DIABLO: variants seen among roughly 807,000 people sequenced by gnomAD.
The protein encoded by DIABLO is diablo homolog, mitochondrial.
A neutral mutation model predicts 31.7 loss-of-function variants in DIABLO; 32 were observed. The ratio of observed to expected loss-of-function variants is 1.01; its 90% CI spans 0.76 to 1.35. The LOEUF (loss-of-function observed/expected upper bound fraction) is 1.35. Among genes scored for constraint, DIABLO ranks in the 40% most tolerant of loss-of-function variants. The probability of loss-of-function intolerance (pLI) is 0.00; values close to 1 mark genes in which losing one functional copy is unlikely to be tolerated. For synonymous variants in DIABLO, 132 were observed against 103.2 expected (o/e 1.28, Z -1.69); for missense variants, 316 against 286.4 (o/e 1.10, Z -0.75).
At position 122,214,367 on chromosome 12, in the gene DIABLO, T is replaced by G. The variant is rs377304403; in HGVS notation, c.523+2121A>C. Among the ~76,000 whole-genome samples the G allele has an allele frequency of 5.3e-5, 8 of 152,228 alleles. No homozygotes were observed. The East Asian group carries it at 1.4e-3, about 26-fold the overall frequency. On this transcript the variant is annotated intron_variant, in intron 5 of 5. Coordinates refer to ENST00000464942, the MANE Select transcript of DIABLO (RefSeq NM_001371333.1). The stretch of plus-strand genomic sequence containing the variant: ...AGCCCTTTGTATCATTTTTAAGATT[T>G]GATGATTGAGAACCCTAGCCTGCTA...
chr12:122,223,811 T>G lies in DIABLO; in HGVS notation c.183+701A>C, dbSNP rs1190868017. Among the ~76,000 whole-genome samples, 3 of 152,186 alleles carry G rather than the reference T, an allele frequency of 2.0e-5. No homozygotes were observed. The South Asian group carries it at 6.2e-4, about 31-fold the overall frequency. ...ATTCACTTACCTCATTTGTTTTGTT[T>G]TGTTTTTGAGAAAAGGTCTTGCCCT... On this transcript the variant is annotated intron_variant, in intron 2 of 5. Transcript: ENST00000464942.
chr12:122,224,375 G>A, intron 2 of DIABLO, 137 bp downstream of exon 2: 1 of 1,308,940 alleles, frequency 7.6e-7, no homozygotes, highest in South Asian at 1.2e-5. Flanking sequence ...GCTCAACTGT[G>A]AAAAGATGCC....
chr12:122,216,920 A>C, intron 3 of DIABLO, 51 bp from the exon 4 acceptor site: 1 of 1,473,754 alleles, frequency 6.8e-7, no homozygotes, highest in Non-Finnish European at 9.5e-7. Context: ...GACATATCAG[A>C]AGGAATAGAG....
chr12:122,216,701 T>G, intron 4 of DIABLO, 58 bp downstream of exon 4: 1 of 1,562,108 alleles, frequency 6.4e-7, no homozygotes, highest in Non-Finnish European at 8.8e-7. Context: ...ATTCAATAAT[T>G]TAGATACCAC....
chr12:122,225,923 C>T, intron 1 of DIABLO, 42 bp downstream of exon 1: 3 of 1,562,722 alleles, frequency 1.9e-6, no homozygotes, highest in South Asian at 1.2e-5. Flanking sequence ...CGCGTCGGTC[C>T]CTCCCTCTGG....
Position 122,208,349 on chromosome 12 carries a change from G to A in DIABLO, c.*32C>T, listed in dbSNP as rs374859154. On this transcript the variant is annotated 3_prime_UTR_variant, in exon 6 of 6. Coordinates refer to ENST00000464942, the MANE Select transcript of DIABLO (RefSeq NM_001371333.1). ...GGCATCTGCCCCTGCTTTCCCCACT[G>A]AGTGGGGAGACAGGGCAGTGTGCTC... 2 of 1,604,636 alleles carry A rather than the reference G, an allele frequency of 1.2e-6. No homozygotes were observed. The highest frequency in any genetic ancestry group is 2.7e-5 in the African/African-American group (2 of 74,806).
chr12:122,216,259 A>AGACAT (rs1954209340), intron 5 of DIABLO, among the ~76,000 whole-genome samples: 1 of 152,222 alleles, frequency 6.6e-6, no homozygotes, highest in Admixed American at 6.5e-5. Context: ...TTCATTTTGA[A>AGACAT]GACATAACCT....
chr12:122,214,014 G>A (rs79256284), intron 5 of DIABLO, among the ~76,000 whole-genome samples: 12,388 of 152,120 alleles, frequency 0.081, 1,632 homozygotes, highest in African/African-American at 0.28. Context: ...GAAGCAGGGA[G>A]GTGGAGGTTG....
At chr12:122,226,626 G>A (rs1954486314), upstream of DIABLO, 1 of 675,278 alleles carries the variant, frequency 1.5e-6, no homozygotes, top group Non-Finnish European at 2.7e-6. Context: ...TCCCAGAGGG[G>A]CGGACGGGAA....
At chr12:122,224,715 G>A (rs757557084) in intron 1 of DIABLO, 71 bp from the exon 2 acceptor site, 1 of 1,613,370 alleles carries the variant, frequency 6.2e-7, no homozygotes, top group South Asian at 1.1e-5. Flanking sequence ...TTACTTGCAG[G>A]GGCTGTAAAC....
rs1156571584 is a variant in DIABLO at position 122,211,077 on chromosome 12, T to TAAAAAAAAAAAAAAAA, written c.524-2516_524-2501dup. ...TGATTTTCCTTTGTTTAGTTAAAAG[T>TAAAAAAAAAAAAAAAA]AAAAAAAAAAAAAAAAAAAAAAAAA... On this transcript the variant is annotated intron_variant, in intron 5 of 5. Coordinates refer to ENST00000464942, the MANE Select transcript of DIABLO (RefSeq NM_001371333.1). Among the ~76,000 whole-genome samples the TAAAAAAAAAAAAAAAA allele has an allele frequency of 7.0e-4, 10 of 14,342 alleles. 4 individuals are homozygous for TAAAAAAAAAAAAAAAA. Among genetic ancestry groups the TAAAAAAAAAAAAAAAA allele is most frequent in the Non-Finnish European group, 9.4e-4 (7 of 7,452 alleles). 9.4% of individuals were successfully genotyped at this position (14,342 alleles called of 152,430 possible). A position where few individuals can be genotyped will look rare whatever the true frequency, so the allele number is the denominator to read the frequency against.
chr12:122,210,047 G>A (rs1285969880), intron 5 of DIABLO, among the ~76,000 whole-genome samples: 1 of 152,134 alleles, frequency 6.6e-6, no homozygotes, highest in Non-Finnish European at 1.5e-5. Context: ...ATATTTGTTT[G>A]AGAAGGAGTC....
At chr12:122,218,450 T>G in intron 2 of DIABLO, 53 bp from the exon 3 acceptor site, 1 of 1,612,938 alleles carries the variant, frequency 6.2e-7, no homozygotes. Context: ...CTGAGAACTT[T>G]TTCACCAATA....
chr12:122,218,347 C>T lies in DIABLO; in HGVS notation c.234G>A (p.Val78=). 6.2e-7 allele frequency: 1 copy of T among 1,614,192 alleles called. No homozygotes were observed. Among genetic ancestry groups the T allele is most frequent in the Non-Finnish European group, 8.5e-7 (1 of 1,180,034 alleles). The part of the protein sequence containing the change: ...LSSEALMRRA[V]SLVTDSTSTF... ...TAGAGGTGCTATCTGTTACCAAAGA[C>T]ACTGCTCTCCTCATCAATGCTTCAC... The change falls in exon 3 of 6, where the codon GTG becomes GTA. Residue 78 remains valine, a synonymous_variant. Coordinates refer to ENST00000464942, the MANE Select transcript of DIABLO (RefSeq NM_001371333.1).
At chr12:122,226,608 T>G, upstream of DIABLO, 1 of 681,778 alleles carries the variant, frequency 1.5e-6, no homozygotes, top group East Asian at 2.8e-5. Flanking sequence ...CCTGCCGGGC[T>G]GGCGCCGTCC....
At chr12:122,226,080 G>C (rs1235742664), upstream of DIABLO, 1 of 1,557,212 alleles carries the variant, frequency 6.4e-7, no homozygotes, top group Admixed American at 1.9e-5. Flanking sequence ...GCGGAGCGGG[G>C]CACGGCCTCC....
chr12:122,218,193 A>G, intron 3 of DIABLO, 73 bp downstream of exon 3: 1 of 1,547,488 alleles, frequency 6.5e-7, no homozygotes, highest in South Asian at 1.1e-5. Flanking sequence ...CATGGGTATC[A>G]GACACAATTT....
intron 2 of DIABLO, among the ~76,000 whole-genome samples, chr12:122,223,327 C>T (rs1026153503): frequency 2.0e-5 from 3 of 151,474 alleles, no homozygotes; most frequent in East Asian, 2.0e-4. Context: ...CCCAGCTACC[C>T]GGAGGCTAAG....
At chr12:122,226,904 CTGG>C (rs1289627231), upstream of DIABLO, among the ~76,000 whole-genome samples, 1 of 152,210 alleles carries the variant, frequency 6.6e-6, no homozygotes, top group African/African-American at 2.4e-5. Context: ...CGCTAATGCG[CTGG>C]TGGAGTAAAC....
Sources: gnomAD v4.1 joint callset for allele counts (sites outside exome capture counted in the v4.1 genomes callset) on GRCh38, gnomAD v4.1.1 for gene constraint, MANE v1.5 for transcripts, NCBI Gene and HGNC (gene_info 2026-07-23, HGNC 2026-07-21) for gene names.